YWHAQ: variants seen among roughly 807,000 people sequenced by gnomAD.
YWHAQ encodes tyrosine 3-monooxygenase/tryptophan 5-monooxygenase activation protein theta.
In YWHAQ, 6 loss-of-function variants were observed where a neutral mutation model predicts 28.3. That is an observed-to-expected ratio of 0.21 (90% CI 0.12 to 0.42). The LOEUF (loss-of-function observed/expected upper bound fraction) is 0.42. Ranked by LOEUF, YWHAQ falls within the 10% of genes least tolerant of loss-of-function variation. The pLI, the probability that YWHAQ is intolerant of heterozygous loss-of-function variation, is 1.00. For synonymous variants in YWHAQ, 143 were observed against 119.1 expected, an observed-to-expected ratio of 1.20 and a Z score of -1.31; for missense variants, 201 against 305.6, an observed-to-expected ratio of 0.66 and a Z score of 2.55.
At chr2:9,586,008 T>C (rs1261039081) in intron 5 of YWHAQ, among the ~76,000 whole-genome samples, 1 of 152,166 alleles carries the variant, frequency 6.6e-6, no homozygotes, top group Non-Finnish European at 1.5e-5. Context: ...CCCAATGCTC[T>C]TCTTGAAAGC....
intron 2 of YWHAQ, among the ~76,000 whole-genome samples, chr2:9,624,632 C>T (rs1667212693): frequency 6.6e-6 from 1 of 152,120 alleles, no homozygotes; most frequent in African/African-American, 2.4e-5. Flanking sequence ...TTCCTCAAGT[C>T]TTAACCCAAA....
intron 5 of YWHAQ, 112 bp from the exon 6 acceptor site, chr2:9,585,457 A>G: frequency 1.7e-6 from 2 of 1,195,988 alleles, no homozygotes; most frequent in Non-Finnish European, 2.4e-6. Context: ...CAAACAATGG[A>G]GATCTTGACT....
chr2:9,626,009 T>TAA (rs34658147), intron 2 of YWHAQ, among the ~76,000 whole-genome samples: 67,495 of 151,840 alleles, frequency 0.44, 18,453 homozygotes, highest in African/African-American at 0.77. Flanking sequence ...CATTTTTTAT[T>TAA]GAGATTAAAT....
Position 9,584,456 on chromosome 2 carries a change from A to G in YWHAQ, c.*830T>C, listed in dbSNP as rs537163310. 1.1e-4 allele frequency: 17 copies of G among 152,590 alleles called. No individual in the cohort carries two copies. The East Asian group carries it at 3.1e-3, about 28-fold the overall frequency. The allele number at this position is 152,590 out of a possible 1,614,324, so 9.5% of individuals were successfully genotyped here. The stretch of plus-strand genomic sequence containing the variant: ...GCACAAATCTGCATGGAAAAGTACT[A>G]AAGTTTTAGACTTGGACTTGTGTAC... On this transcript the variant is annotated 3_prime_UTR_variant, in exon 6 of 6. Transcript: ENST00000238081.
chr2:9,600,483 A>T (rs2125065940), intron 2 of YWHAQ, among the ~76,000 whole-genome samples: 1 of 152,278 alleles, frequency 6.6e-6, no homozygotes, highest in South Asian at 2.1e-4. Flanking sequence ...AAGCGGGCAG[A>T]TCACCTGAGG....
intron 2 of YWHAQ, among the ~76,000 whole-genome samples, chr2:9,625,170 G>T (rs1351870081): frequency 6.9e-6 from 1 of 144,050 alleles, no homozygotes; most frequent in South Asian, 2.1e-4. Context: ...GCTGAGGCAG[G>T]AGAATTGCTT....
At chr2:9,629,756 T>C (rs1191178358) in intron 2 of YWHAQ, among the ~76,000 whole-genome samples, 2 of 152,172 alleles carry the variant, frequency 1.3e-5, no homozygotes, top group Non-Finnish European at 2.9e-5. Context: ...TACTACATTG[T>C]CTGTAACAAA....
intron 2 of YWHAQ, among the ~76,000 whole-genome samples, chr2:9,600,141 C>G (rs907664259): frequency 4.6e-5 from 7 of 152,132 alleles, no homozygotes; most frequent in Admixed American, 4.6e-4. Flanking sequence ...GAAATGGAGC[C>G]TGAAGATGTG....
In YWHAQ at chr2:9,583,988, T is replaced by C. The variant is rs541231706; in HGVS notation, c.*1298A>G. On this transcript the variant is annotated 3_prime_UTR_variant, in exon 6 of 6. Transcript: ENST00000238081. Reference sequence around the variant, plus strand: ...ATAATTAACTTTGCTAGTTTTAAAATGTCCACTTTATTCCATATAACACTT... The same window carrying C: ...ATAATTAACTTTGCTAGTTTTAAAACGTCCACTTTATTCCATATAACACTT... The C allele has an allele frequency of 6.6e-6, 1 of 152,352 alleles. No homozygotes were observed. Among genetic ancestry groups the C allele is most frequent in the Non-Finnish European group, 1.5e-5 (1 of 68,036 alleles). The allele number at this position is 152,352 out of a possible 1,614,324, so 9.4% of individuals were successfully genotyped here.
rs1289917939 is a variant in YWHAQ at position 9,630,221 on chromosome 2, G to A, written c.232C>T (p.Leu78=). 4 of 1,614,100 alleles carry A rather than the reference G, an allele frequency of 2.5e-6. 1 individual carries two copies. Among genetic ancestry groups the A allele is most frequent in the Non-Finnish European group, 3.4e-6 (4 of 1,180,034 alleles). Residue 78 remains leucine (L), a synonymous_variant, in exon 2 of 6, where the codon CTG becomes TTG. Transcript: ENST00000238081. The surrounding 1 kb of genome is among the most constrained non-coding windows in gnomAD (Gnocchi z 5.6). ...KTDTSDKKLQ[L]IKDYREKVES... ...ACTTTCTCCCGATAGTCCTTAATCA[G>A]CTGCAACTTCTTGTCGGAGGTGTCG...
At chr2:9,589,210 T>A (rs1666408260) in intron 3 of YWHAQ, among the ~76,000 whole-genome samples, 1 of 152,214 alleles carries the variant, frequency 6.6e-6, no homozygotes, top group Admixed American at 6.6e-5. Flanking sequence ...TAAATCAGAC[T>A]TTTTTCCATA....
chr2:9,622,447 C>T (rs1276744890), intron 2 of YWHAQ, among the ~76,000 whole-genome samples: 1 of 152,142 alleles, frequency 6.6e-6, no homozygotes, highest in Admixed American at 6.5e-5. Flanking sequence ...TTTATGAATA[C>T]ATCAGTGTTT....
intron 2 of YWHAQ, among the ~76,000 whole-genome samples, chr2:9,597,722 T>C (rs1409753898): frequency 2.0e-5 from 3 of 148,906 alleles, no homozygotes; most frequent in Non-Finnish European, 3.0e-5. Flanking sequence ...CTGGTGCCCA[T>C]GTTAAGTTCA....
intron 2 of YWHAQ, among the ~76,000 whole-genome samples, chr2:9,617,799 C>T (rs1314784838): frequency 6.6e-6 from 1 of 151,768 alleles, no homozygotes; most frequent in Non-Finnish European, 1.5e-5. Flanking sequence ...TGGTGGTGCA[C>T]ATCTGTAATC....
At chr2:9,616,756 C>T (rs1352995891) in intron 2 of YWHAQ, among the ~76,000 whole-genome samples, 1 of 152,182 alleles carries the variant, frequency 6.6e-6, no homozygotes, top group Non-Finnish European at 1.5e-5. Context: ...CTCTCTTACA[C>T]TGTGGTGGGA....
intron 2 of YWHAQ, among the ~76,000 whole-genome samples, chr2:9,612,392 G>A (rs994977340): frequency 2.6e-5 from 4 of 152,206 alleles, no homozygotes; most frequent in Middle Eastern, 3.2e-3. Flanking sequence ...TCAAGGTCCT[G>A]CAGAATCAGA....
chr2:9,603,599 G>A (rs1203165648), intron 2 of YWHAQ, among the ~76,000 whole-genome samples: 3 of 151,372 alleles, frequency 2.0e-5, no homozygotes, highest in African/African-American at 7.3e-5. Flanking sequence ...CACAGTAGAT[G>A]CATTCCTGGT....
intron 4 of YWHAQ, 55 bp from the exon 5 acceptor site, chr2:9,587,564 TCTACAATTACAAA>T: frequency 1.3e-6 from 2 of 1,488,522 alleles, no homozygotes; most frequent in Non-Finnish European, 1.8e-6. Context: ...AACTGGTTAT[TCTACAATTACAAA>T]CCATTTTTAC....
intron 2 of YWHAQ, among the ~76,000 whole-genome samples, chr2:9,604,929 T>C (rs538867580): frequency 6.6e-6 from 1 of 152,346 alleles, no homozygotes; most frequent in African/African-American, 2.4e-5. Flanking sequence ...GTCTATCACA[T>C]AGTAGGACTC....
Sources: gnomAD v4.1 joint callset for allele counts (sites outside exome capture counted in the v4.1 genomes callset) on GRCh38, gnomAD v4.1.1 for gene constraint, Gnocchi (gnomAD v3.1) non-coding constraint, MANE v1.5 for transcripts, NCBI Gene and HGNC (gene_info 2026-07-23, HGNC 2026-07-21) for gene names.